Variants in CCDC148 observed in about 807,000 individuals in gnomAD.
The protein encoded by CCDC148 is coiled-coil domain containing 148.
Under a neutral mutation model 85.7 loss-of-function variants are expected in CCDC148, and 89 were observed. That is an observed-to-expected ratio of 1.04 (90% CI 0.87 to 1.24). CCDC148 has a LOEUF of 1.24. CCDC148 is among the 50% of genes most tolerant of loss of function. CCDC148 has a pLI of 0.00. For missense variants in CCDC148, 692 were observed against 671.7 expected (o/e 1.03, Z -0.33); for synonymous variants, 230 against 213.9 (o/e 1.08, Z -0.66).
At chr2:158,290,902 GCT>G (rs1396007048) in intron 9 of CCDC148, among the ~76,000 whole-genome samples, 1 of 150,746 alleles carries the variant, frequency 6.6e-6, no homozygotes, top group African/African-American at 2.4e-5. Context: ...CAATTCTTTG[GCT>G]CTTTCTTCTC....
chr2:158,451,857 T>G (rs1688417897), intron 1 of CCDC148, among the ~76,000 whole-genome samples: 1 of 152,124 alleles, frequency 6.6e-6, no homozygotes, highest in Admixed American at 6.6e-5. Flanking sequence ...TTTCTTTTGT[T>G]GTAAAATATT....
intron 2 of CCDC148, among the ~76,000 whole-genome samples, chr2:158,352,563 A>C (rs1480620363): frequency 6.6e-6 from 1 of 152,106 alleles, no homozygotes; most frequent in Non-Finnish European, 1.5e-5. Context: ...CCTCCAAGAA[A>C]TATGGGACTA....
intron 9 of CCDC148, among the ~76,000 whole-genome samples, chr2:158,280,711 A>T (rs1455671581): frequency 6.6e-6 from 1 of 152,234 alleles, no homozygotes; most frequent in South Asian, 2.1e-4. Flanking sequence ...AACATTAGAC[A>T]GATCAACGAG....
intron 1 of CCDC148, among the ~76,000 whole-genome samples, chr2:158,440,477 C>T (rs1482767740): frequency 6.6e-6 from 1 of 152,060 alleles, no homozygotes; most frequent in African/African-American, 2.4e-5. Context: ...AATAGTCCCC[C>T]GTTATTCTCA....
At chr2:158,214,722 T>C (rs1686756340) in intron 11 of CCDC148, among the ~76,000 whole-genome samples, 1 of 152,144 alleles carries the variant, frequency 6.6e-6, no homozygotes, top group Non-Finnish European at 1.5e-5. Flanking sequence ...TCACAGAGCT[T>C]ACTGAAGGAA....
chr2:158,292,427 C>T (rs916394424), intron 9 of CCDC148, among the ~76,000 whole-genome samples: 30 of 152,304 alleles, frequency 2.0e-4, no homozygotes, highest in African/African-American at 6.7e-4. Flanking sequence ...TTTAATTCCT[C>T]CATTATCACA....
At chr2:158,204,038 G>A (rs775518078) in intron 11 of CCDC148, among the ~76,000 whole-genome samples, 3 of 152,048 alleles carry the variant, frequency 2.0e-5, no homozygotes, top group Non-Finnish European at 4.4e-5. Flanking sequence ...AACAAATCAG[G>A]CCCTACCATT....
Position 158,358,563 on chromosome 2 carries a change from C to T in CCDC148, c.33G>A (p.Leu11=), listed in dbSNP as rs776073340. The stretch of plus-strand genomic sequence containing the variant: ...TCATCTCATTTTTCATATGGAATAC[C>T]AGATTATCTATTAGTCATAAAAATA... MCAASASPDN[L]VFHMKNEMRN... The change falls in exon 2 of 14, where the codon CTG becomes CTA. Residue 11 remains leucine, a synonymous_variant. Coordinates refer to ENST00000283233, the MANE Select transcript of CCDC148 (RefSeq NM_138803.4). The T allele has an allele frequency of 6.4e-7, 1 of 1,573,604 alleles. No individual in the cohort carries two copies. Among genetic ancestry groups the T allele is most frequent in the Non-Finnish European group, 8.6e-7 (1 of 1,158,648 alleles).
chr2:158,219,474 G>A (rs1317304765), intron 11 of CCDC148, among the ~76,000 whole-genome samples: 1 of 152,164 alleles, frequency 6.6e-6, no homozygotes, highest in African/African-American at 2.4e-5. Flanking sequence ...GGACACTGTA[G>A]AGGAAGGGGA....
intron 1 of CCDC148, among the ~76,000 whole-genome samples, chr2:158,407,762 C>T (rs1190965319): frequency 6.6e-5 from 10 of 152,072 alleles, no homozygotes; most frequent in Admixed American, 3.3e-4. Flanking sequence ...TTCATAGAAG[C>T]CTGGTAATTG....
chr2:158,322,568 T>C (rs921093145), intron 7 of CCDC148, among the ~76,000 whole-genome samples: 8 of 152,080 alleles, frequency 5.3e-5, no homozygotes, highest in African/African-American at 1.9e-4. Context: ...TCCAGTTTTC[T>C]AACTGTATTT....
intron 9 of CCDC148, among the ~76,000 whole-genome samples, chr2:158,308,016 AC>A: frequency 6.6e-6 from 1 of 152,208 alleles, no homozygotes; most frequent in Non-Finnish European, 1.5e-5. Flanking sequence ...TTAGACAGTT[AC>A]TTTATCAAGA....
chr2:158,423,460 A>T (rs1686907462), intron 1 of CCDC148, among the ~76,000 whole-genome samples: 1 of 152,220 alleles, frequency 6.6e-6, no homozygotes, highest in Admixed American at 6.5e-5. Flanking sequence ...AAAACGAGCA[A>T]TGGGGAAAGG....
chr2:158,388,688 T>A (rs1324431848), intron 1 of CCDC148, among the ~76,000 whole-genome samples: 3 of 152,048 alleles, frequency 2.0e-5, no homozygotes, highest in Admixed American at 2.0e-4. Flanking sequence ...AGAGACAGGG[T>A]TTCACCATGT....
rs1692933737 is a variant in CCDC148 at position 158,328,827 on chromosome 2, T to A, written c.764+9899A>T. ...TAAATGTCTTCTTTTGAGAAGTGTC[T>A]GTTCATATCCTTCACCCACTTTTTG... On this transcript the variant is annotated intron_variant, in intron 7 of 13. Transcript: ENST00000283233. 3.3e-5 allele frequency among the ~76,000 whole-genome samples: 5 copies of A among 152,364 alleles called. No homozygotes were observed. In the South Asian group the frequency reaches 1.0e-3, roughly 32 times the overall value.
At chr2:158,373,619 AC>A (rs1177464126) in intron 1 of CCDC148, among the ~76,000 whole-genome samples, 2 of 151,774 alleles carry the variant, frequency 1.3e-5, no homozygotes, top group Non-Finnish European at 2.9e-5. Context: ...GTTTGCTCCT[AC>A]TGTTTCTCTA....
intron 10 of CCDC148, among the ~76,000 whole-genome samples, chr2:158,226,469 T>C (rs913802332): frequency 6.6e-6 from 1 of 152,148 alleles, no homozygotes; most frequent in African/African-American, 2.4e-5. Context: ...GCCAGCATCA[T>C]CCTGATTCCA....
chr2:158,214,025 C>A (rs1648910579), intron 11 of CCDC148, among the ~76,000 whole-genome samples: 2 of 148,002 alleles, frequency 1.4e-5, no homozygotes, highest in South Asian at 4.3e-4. Flanking sequence ...GTAAAAATTA[C>A]CATGAGGGCT....
intron 8 of CCDC148, 35 bp downstream of exon 8, chr2:158,313,721 T>C (rs769891785): frequency 1.3e-6 from 2 of 1,573,604 alleles, no homozygotes; most frequent in Non-Finnish European, 1.7e-6. Context: ...TAAAACAATT[T>C]AACTTGCCAG....
Sources: allele counts gnomAD v4.1 joint callset (sites outside exome capture counted in the v4.1 genomes callset), GRCh38; gene constraint gnomAD v4.1.1; transcripts MANE v1.5; gene names NCBI Gene and HGNC (gene_info 2026-07-23, HGNC 2026-07-21).